The following SUGCT variants were observed in gnomAD, a reference collection of about 807,000 sequenced individuals.
SUGCT encodes the protein succinyl-CoA:glutarate CoA-transferase.
In SUGCT, 41 loss-of-function variants were observed where a neutral mutation model predicts 55.0. The observed-to-expected ratio is 0.74, with a 90% CI of 0.58 to 0.97. SUGCT has a LOEUF of 0.97. SUGCT is among the 50% of genes least tolerant of loss of function. The pLI is 0.00. For missense variants in SUGCT, 568 were observed against 547.8 expected (o/e 1.04, Z -0.37); for synonymous variants, 187 against 200.4 (o/e 0.93, Z 0.56).
intron 1 of SUGCT, among the ~76,000 whole-genome samples, chr7:40,162,985 C>T (rs931103772): frequency 1.2e-4 from 18 of 152,178 alleles, no homozygotes; most frequent in Non-Finnish European, 1.5e-4. Flanking sequence ...CTCAGTTGCT[C>T]AATACAATAA....
chr7:40,932,878 C>G, the SUGCT span, among the ~76,000 whole-genome samples: 5 of 151,460 alleles, frequency 3.3e-5, no homozygotes, highest in African/African-American at 1.2e-4. Flanking sequence ...GGTTTTGACT[C>G]TTTATCAAAT....
At chr7:40,549,304 C>A (rs2151636869) in intron 12 of SUGCT, among the ~76,000 whole-genome samples, 1 of 152,156 alleles carries the variant, frequency 6.6e-6, no homozygotes, top group Middle Eastern at 3.4e-3. Context: ...GTAGACTTAG[C>A]TAATGAATTA....
intron 9 of SUGCT, among the ~76,000 whole-genome samples, chr7:40,323,861 A>G (rs1795873939): frequency 6.6e-6 from 1 of 152,078 alleles, no homozygotes; most frequent in Non-Finnish European, 1.5e-5. Context: ...ATCCATGGCC[A>G]TCTCTCTCAA....
chr7:40,810,128 C>CT (rs563083563), intron 13 of SUGCT, among the ~76,000 whole-genome samples: 62 of 146,316 alleles, frequency 4.2e-4, no homozygotes, highest in Admixed American at 5.5e-4. Context: ...GATTTCTTTT[C>CT]TTTTTTTTTT....
At chr7:40,398,716 T>A (rs1369585514) in intron 9 of SUGCT, among the ~76,000 whole-genome samples, 3 of 152,106 alleles carry the variant, frequency 2.0e-5, no homozygotes, top group Admixed American at 2.0e-4. Context: ...TCACAACAGC[T>A]ATAGGTAAAA....
At chr7:40,960,112 C>A in the SUGCT span, among the ~76,000 whole-genome samples, 1 of 152,160 alleles carries the variant, frequency 6.6e-6, no homozygotes, top group Non-Finnish European at 1.5e-5. Context: ...TGGAGCTATT[C>A]CCATTTGGCC....
At position 40,735,460 on chromosome 7, in the gene SUGCT, A is replaced by G. The variant is rs140213473; in HGVS notation, c.1090-13974A>G. Among the ~76,000 whole-genome samples the G allele has an allele frequency of 1.6e-3, 244 of 152,318 alleles. 1 individual carries two copies. Among genetic ancestry groups the G allele is most frequent in the Non-Finnish European group, 3.0e-3 (203 of 68,030 alleles). Reference sequence around the variant, plus strand: ...TGTTTCTGACAATATGGGGGACTATATGACCAGAGAAATCCTGCCAGTAGA... The same window carrying G: ...TGTTTCTGACAATATGGGGGACTATGTGACCAGAGAAATCCTGCCAGTAGA... On this transcript the variant is annotated intron_variant, in intron 12 of 13. Transcript: ENST00000335693.
intron 12 of SUGCT, among the ~76,000 whole-genome samples, chr7:40,622,388 A>C (rs569828324): frequency 1.3e-5 from 2 of 152,240 alleles, no homozygotes; most frequent in South Asian, 4.1e-4. Flanking sequence ...CTCAGCTTTC[A>C]TCAAGCTCTC....
the SUGCT span, among the ~76,000 whole-genome samples, chr7:40,977,601 A>G: frequency 1.3e-5 from 2 of 152,274 alleles, no homozygotes; most frequent in South Asian, 4.1e-4. Context: ...GGGTATGAAC[A>G]AGCTTACAAG....
At chr7:40,708,968 T>C (rs1291812142) in intron 12 of SUGCT, among the ~76,000 whole-genome samples, 1 of 152,206 alleles carries the variant, frequency 6.6e-6, no homozygotes, top group Non-Finnish European at 1.5e-5. Flanking sequence ...TCCCAGTGCC[T>C]AGAACATAGA....
chr7:40,761,300 A>G (rs181913808), intron 13 of SUGCT, among the ~76,000 whole-genome samples: 3 of 152,338 alleles, frequency 2.0e-5, no homozygotes, highest in Non-Finnish European at 2.9e-5. Flanking sequence ...TATAAAGTCA[A>G]TGGAGACCAC....
intron 7 of SUGCT, among the ~76,000 whole-genome samples, chr7:40,242,941 T>TTTTTTTTTTTTTG (rs1789548579): frequency 1.8e-5 from 1 of 55,778 alleles, no homozygotes; most frequent in Non-Finnish European, 3.7e-5. Flanking sequence ...ATATTTTTTT[T>TTTTTTTTTTTTTG]TTTTTTTTTT....
At chr7:40,487,078 CTTTTTTTTTTTTT>C (rs745766266) in intron 11 of SUGCT, among the ~76,000 whole-genome samples, 2 of 93,940 alleles carry the variant, frequency 2.1e-5, no homozygotes, top group African/African-American at 4.8e-5. Flanking sequence ...TGATTTCAAT[CTTTTTTTTTTTTT>C]TTTTTTTTTT....
the SUGCT span, among the ~76,000 whole-genome samples, chr7:40,906,600 T>C: frequency 3.3e-5 from 5 of 152,184 alleles, no homozygotes; most frequent in African/African-American, 1.2e-4. Context: ...TTACACAGCA[T>C]TTACACTGTG....
At chr7:40,481,303 G>A (rs1018641683) in intron 11 of SUGCT, among the ~76,000 whole-genome samples, 4 of 151,826 alleles carry the variant, frequency 2.6e-5, no homozygotes, top group Admixed American at 6.6e-5. Flanking sequence ...GCACAATTGC[G>A]CTGCAGCCTA....
At position 40,774,250 on chromosome 7, in the gene SUGCT, G is replaced by T. The variant is rs1789336820; in HGVS notation, c.1153+24753G>T. On this transcript the variant is annotated intron_variant, in intron 13 of 13. Transcript: ENST00000335693. The stretch of plus-strand genomic sequence containing the variant: ...GGAAGATAGGAAATTCTATTAAATA[G>T]ATTTAATGTATCTCATGAAAGCCCA... 2.0e-5 allele frequency among the ~76,000 whole-genome samples: 3 copies of T among 152,142 alleles called. No homozygotes were observed. In the South Asian group the frequency reaches 6.2e-4, roughly 32 times the overall value.
At chr7:40,788,735 G>T (rs1790161618) in intron 13 of SUGCT, among the ~76,000 whole-genome samples, 1 of 152,188 alleles carries the variant, frequency 6.6e-6, no homozygotes, top group Non-Finnish European at 1.5e-5. Flanking sequence ...AGTTCAGGCA[G>T]GCCTGCTACA....
chr7:40,429,802 A>G (rs930533410), intron 9 of SUGCT, among the ~76,000 whole-genome samples: 7 of 152,212 alleles, frequency 4.6e-5, no homozygotes, highest in South Asian at 2.1e-4. Context: ...GCATCATTCA[A>G]TCTAATCAAG....
At chr7:40,188,709 T>A in intron 4 of SUGCT, 129 bp downstream of exon 4, 1 of 561,988 alleles carries the variant, frequency 1.8e-6, no homozygotes, top group Non-Finnish European at 3.0e-6. Flanking sequence ...TCAAATAAAT[T>A]AAAATTCTAT....
Sources: gnomAD v4.1 joint callset for allele counts (sites outside exome capture counted in the v4.1 genomes callset) on GRCh38, gnomAD v4.1.1 for gene constraint, MANE v1.5 for transcripts, NCBI Gene and HGNC (gene_info 2026-07-23, HGNC 2026-07-21) for gene names.